Variants in VPS13B observed in about 807,000 individuals in gnomAD.
VPS13B encodes intermembrane lipid transfer protein VPS13B.
A neutral mutation model predicts 426.4 loss-of-function variants in VPS13B; 285 were observed. That is an observed-to-expected ratio of 0.67 (90% confidence interval 0.61 to 0.74). The LOEUF (loss-of-function observed/expected upper bound fraction) is 0.74. Among genes scored for constraint, VPS13B ranks in the 30% least tolerant of loss-of-function variants. The probability of loss-of-function intolerance (pLI) is 0.00; values close to 1 mark genes in which losing one functional copy is unlikely to be tolerated. For synonymous variants in VPS13B, 1,676 were observed against 1,676.4 expected, an observed-to-expected ratio of 1.00 and a Z score of 0.01; for missense variants, 4,537 against 4,782.6, an observed-to-expected ratio of 0.95 and a Z score of 1.51.
chr8:99,273,613 C>T (rs1013641215), intron 17 of VPS13B, among the ~76,000 whole-genome samples: 2 of 151,804 alleles, frequency 1.3e-5, no homozygotes, highest in African/African-American at 4.8e-5. Context: ...GCTGAAACCG[C>T]GTCTCTACTA....
intron 21 of VPS13B, among the ~76,000 whole-genome samples, chr8:99,414,649 A>T (rs1175380367): frequency 1.3e-5 from 2 of 152,076 alleles, no homozygotes; most frequent in African/African-American, 4.8e-5. Flanking sequence ...CCTTTCTGTA[A>T]AGGATTTTAT....
At chr8:99,796,990 A>G (rs554926642) in intron 43 of VPS13B, 18 of 152,356 alleles carry the variant, frequency 1.2e-4, no homozygotes, top group African/African-American at 3.8e-4. Flanking sequence ...AGATCCAAAC[A>G]GTAAGGAACT....
chr8:99,104,620 C>T (rs765970576), intron 5 of VPS13B, among the ~76,000 whole-genome samples: 88 of 145,442 alleles, frequency 6.1e-4, no homozygotes, highest in Non-Finnish European at 1.2e-3. Flanking sequence ...CTGCCCCTTT[C>T]CCTCTTCCCC....
intron 30 of VPS13B, among the ~76,000 whole-genome samples, chr8:99,554,390 T>C (rs1436276931): frequency 6.6e-6 from 1 of 152,124 alleles, no homozygotes; most frequent in African/African-American, 2.4e-5. Context: ...AGATATTTGC[T>C]GGCTATCAGA....
chr8:99,245,893 T>G (rs764657178), intron 17 of VPS13B, among the ~76,000 whole-genome samples: 14 of 152,214 alleles, frequency 9.2e-5, no homozygotes, highest in Non-Finnish European at 1.5e-4. Flanking sequence ...TTTTACTGTC[T>G]CTCATTTCAG....
chr8:99,300,026 G>A (rs1283130071), intron 19 of VPS13B, among the ~76,000 whole-genome samples: 1 of 152,070 alleles, frequency 6.6e-6, no homozygotes, highest in African/African-American at 2.4e-5. Flanking sequence ...GGGAACATGT[G>A]CCAAAAGTTC....
intron 19 of VPS13B, among the ~76,000 whole-genome samples, chr8:99,378,133 A>ACC (rs1813592701): frequency 2.1e-5 from 1 of 48,006 alleles, no homozygotes; most frequent in Non-Finnish European, 3.5e-5. Context: ...GCCATTTTAG[A>ACC]GCCCCCCCCC....
At chr8:99,560,405 G>T (rs1206284272) in intron 31 of VPS13B, among the ~76,000 whole-genome samples, 2 of 152,136 alleles carry the variant, frequency 1.3e-5, no homozygotes, top group African/African-American at 4.8e-5. Context: ...AGTCTCATTT[G>T]TGTGTGCTCC....
chr8:99,525,497 G>A (rs1218853729), intron 30 of VPS13B, among the ~76,000 whole-genome samples: 2 of 152,140 alleles, frequency 1.3e-5, no homozygotes, highest in East Asian at 1.9e-4. Context: ...CATTAAATCA[G>A]TGGATGTTAC....
At chr8:99,315,088 A>T (rs1307554745) in intron 19 of VPS13B, among the ~76,000 whole-genome samples, 1 of 152,102 alleles carries the variant, frequency 6.6e-6, no homozygotes, top group Non-Finnish European at 1.5e-5. Flanking sequence ...ATATTTTTTA[A>T]GTGACTGTTT....
chr8:99,026,779 G>T lies in VPS13B; in HGVS notation c.148-11644G>T, dbSNP rs1842160418. Among the ~76,000 whole-genome samples, 3 of 152,118 alleles carry T rather than the reference G, an allele frequency of 2.0e-5. No homozygotes were observed. In the South Asian group the frequency reaches 6.2e-4, roughly 32 times the overall value. ...GGATAACTACTCCTATTCATTTTTG[G>T]TGGAACTTTTTTCATTTTTTCATTT... On this transcript the variant is annotated intron_variant, in intron 2 of 61. Transcript: ENST00000357162.
chr8:99,581,488 C>A (rs1462547071), intron 33 of VPS13B, among the ~76,000 whole-genome samples: 2 of 152,066 alleles, frequency 1.3e-5, no homozygotes, highest in African/African-American at 4.8e-5. Context: ...TGGGGTGAGG[C>A]CACTAGACCA....
chr8:99,764,284 A>G (rs974136650), intron 39 of VPS13B, among the ~76,000 whole-genome samples: 1 of 152,158 alleles, frequency 6.6e-6, no homozygotes, highest in Non-Finnish European at 1.5e-5. Context: ...GAATGCTTCC[A>G]AAAAGGGAAA....
chr8:99,066,750 C>G (rs1025200926), intron 3 of VPS13B, among the ~76,000 whole-genome samples: 1 of 152,058 alleles, frequency 6.6e-6, no homozygotes, highest in Non-Finnish European at 1.5e-5. Flanking sequence ...TGCAATCTAC[C>G]CATCTGACAA....
At chr8:99,742,971 G>T (rs1455781875) in intron 39 of VPS13B, among the ~76,000 whole-genome samples, 1 of 152,068 alleles carries the variant, frequency 6.6e-6, no homozygotes, top group East Asian at 1.9e-4. Flanking sequence ...GGAAGTTCTG[G>T]CCAGGGCAAT....
At chr8:99,535,024 C>G (rs1823125519) in intron 30 of VPS13B, among the ~76,000 whole-genome samples, 1 of 152,004 alleles carries the variant, frequency 6.6e-6, no homozygotes, top group Non-Finnish European at 1.5e-5. Flanking sequence ...TCCATTTTAC[C>G]CTTTGTTGAC....
intron 35 of VPS13B, among the ~76,000 whole-genome samples, chr8:99,689,183 G>C (rs1428175313): frequency 9.9e-5 from 15 of 151,952 alleles, no homozygotes; most frequent in Admixed American, 9.8e-4. Context: ...TCTAGTACTT[G>C]TTAATCTCTA....
intron 33 of VPS13B, among the ~76,000 whole-genome samples, chr8:99,637,221 C>A (rs1426195904): frequency 6.6e-6 from 1 of 151,992 alleles, no homozygotes; most frequent in East Asian, 1.9e-4. Flanking sequence ...AATTATAAAA[C>A]TTTTCTTAAT....
intron 49 of VPS13B, 28 bp from the exon 50 acceptor site, chr8:99,821,266 C>G: frequency 6.2e-7 from 1 of 1,608,546 alleles, no homozygotes; most frequent in East Asian, 2.2e-5. Flanking sequence ...AAGAAAATTA[C>G]TTTATAATTG....
Sources: gnomAD v4.1 joint callset for allele counts (sites outside exome capture counted in the v4.1 genomes callset) on GRCh38, gnomAD v4.1.1 for gene constraint, MANE v1.5 for transcripts, NCBI Gene and HGNC (gene_info 2026-07-23, HGNC 2026-07-21) for gene names.